TMEM132D: variants seen among roughly 807,000 people sequenced by gnomAD.
The protein encoded by TMEM132D is transmembrane protein 132D.
Under a neutral mutation model 62.3 loss-of-function variants are expected in TMEM132D, and 21 were observed. That is an observed-to-expected ratio of 0.34 (90% CI 0.24 to 0.49). The LOEUF (loss-of-function observed/expected upper bound fraction) is 0.49. Ranked by LOEUF, TMEM132D falls within the 20% of genes least tolerant of loss-of-function variation. TMEM132D has a pLI of 0.99. For synonymous variants in TMEM132D, 621 were observed against 575.6 expected (o/e 1.08, Z -1.13); for missense variants, 1,346 against 1,402.8 (o/e 0.96, Z 0.65).
intron 3 of TMEM132D, among the ~76,000 whole-genome samples, chr12:129,406,185 T>C (rs1389954476): frequency 6.6e-6 from 1 of 152,232 alleles, no homozygotes; most frequent in Non-Finnish European, 1.5e-5. Flanking sequence ...AGCACGTTTG[T>C]ATACATTCAC....
chr12:129,559,433 G>A (rs1357303398), intron 2 of TMEM132D, among the ~76,000 whole-genome samples: 1 of 152,218 alleles, frequency 6.6e-6, no homozygotes. Flanking sequence ...AAGGAGACGA[G>A]AGGTCTCGTA....
intron 3 of TMEM132D, among the ~76,000 whole-genome samples, chr12:129,389,475 C>A (rs1871237111): frequency 6.6e-6 from 1 of 151,988 alleles, no homozygotes; most frequent in Admixed American, 6.6e-5. Context: ...ACTGCCAACA[C>A]CAACACTAAC....
intron 2 of TMEM132D, among the ~76,000 whole-genome samples, chr12:129,606,112 G>A (rs1878618873): frequency 6.6e-6 from 1 of 152,094 alleles, no homozygotes; most frequent in Non-Finnish European, 1.5e-5. Context: ...TCCTTCACTG[G>A]GATGGTGCTC....
At chr12:129,238,836 G>A (rs4759535) in intron 4 of TMEM132D, among the ~76,000 whole-genome samples, 117,815 of 152,074 alleles carry the variant, frequency 0.77, 45,700 homozygotes, top group Admixed American at 0.8. Context: ...TCTTTGGGAT[G>A]TATACACAGA....
At chr12:129,294,176 T>A (rs989321998) in intron 4 of TMEM132D, among the ~76,000 whole-genome samples, 1 of 152,230 alleles carries the variant, frequency 6.6e-6, no homozygotes, top group African/African-American at 2.4e-5. Context: ...AGTTCCATGT[T>A]TTTACCATGA....
At chr12:129,580,534 A>C (rs928246356) in intron 2 of TMEM132D, among the ~76,000 whole-genome samples, 1 of 152,060 alleles carries the variant, frequency 6.6e-6, no homozygotes, top group African/African-American at 2.4e-5. Flanking sequence ...ACAAATACTG[A>C]GATCCCTTTA....
intron 4 of TMEM132D, 96 bp from the exon 5 acceptor site, chr12:129,209,759 C>T: frequency 1.3e-6 from 2 of 1,513,952 alleles, no homozygotes; most frequent in Non-Finnish European, 1.8e-6. Flanking sequence ...TCCCTGCAAA[C>T]AGCACTGGCC....
intron 1 of TMEM132D, among the ~76,000 whole-genome samples, chr12:129,880,404 G>T (rs923404189): frequency 1.3e-5 from 2 of 152,146 alleles, no homozygotes; most frequent in African/African-American, 4.8e-5. Context: ...AGGCAGAAAT[G>T]AATATCTGCA....
intron 3 of TMEM132D, among the ~76,000 whole-genome samples, chr12:129,381,282 A>G (rs1047497076): frequency 2.0e-5 from 3 of 152,204 alleles, no homozygotes; most frequent in African/African-American, 4.8e-5. Flanking sequence ...TCTTATAGCT[A>G]TACAAATAAG....
At chr12:129,101,383 TG>T (rs1259029230) in intron 5 of TMEM132D, among the ~76,000 whole-genome samples, 1 of 152,240 alleles carries the variant, frequency 6.6e-6, no homozygotes, top group Admixed American at 6.5e-5. Context: ...CCATGGCTTT[TG>T]GTAGCTGGTA....
intron 2 of TMEM132D, among the ~76,000 whole-genome samples, chr12:129,698,393 G>A (rs996253248): frequency 6.6e-6 from 1 of 150,728 alleles, no homozygotes; most frequent in Non-Finnish European, 1.5e-5. Flanking sequence ...ATTAGGTTCT[G>A]TTTCTTTAGT....
intron 3 of TMEM132D, among the ~76,000 whole-genome samples, chr12:129,366,184 G>C (rs1870407382): frequency 6.6e-6 from 1 of 151,986 alleles, no homozygotes; most frequent in Non-Finnish European, 1.5e-5. Flanking sequence ...CACAGTCTTA[G>C]GGAAAAGCCC....
rs772059964 is a variant in TMEM132D at position 129,531,067 on chromosome 12, T to C, written c.1107A>G (p.Ser369=). ...GGCCAGTTGGGACTCACCTGTTTTC[T>C]GAGCCAGCTGCTTTCTTCTGACAAA... ...VIVCQKKAAG[S]ENSADGASYE... Residue 369 remains serine, a synonymous_variant, in exon 3 of 9, where the codon TCA becomes TCG. Transcript: ENST00000422113. The C allele has an allele frequency of 2.5e-6, 4 of 1,612,674 alleles. No individual in the cohort carries two copies. The highest frequency in any genetic ancestry group is 1.7e-6 in the Non-Finnish European group (2 of 1,179,050).
chr12:129,281,349 T>C (rs887455027), intron 4 of TMEM132D, among the ~76,000 whole-genome samples: 3 of 152,110 alleles, frequency 2.0e-5, no homozygotes, highest in African/African-American at 7.2e-5. Flanking sequence ...CACACAACTG[T>C]GGCACTTCTA....
At position 129,605,684 on chromosome 12, in the gene TMEM132D, TAGAA is replaced by T. The variant is rs1408485275; in HGVS notation, c.969-74483_969-74480del. 2.7e-5 allele frequency among the ~76,000 whole-genome samples: 4 copies of T among 150,010 alleles called. No homozygotes were observed. In the East Asian group the frequency reaches 7.8e-4, roughly 29 times the overall value. The stretch of plus-strand genomic sequence containing the variant: ...ACATATATATATATATATTTGTAGA[TAGAA>T]AGTGTGCTGATGAGCAAATATTCAT... On this transcript the variant is annotated intron_variant, in intron 2 of 8. Coordinates refer to ENST00000422113, the MANE Select transcript of TMEM132D (RefSeq NM_133448.3).
intron 3 of TMEM132D, among the ~76,000 whole-genome samples, chr12:129,485,635 T>A (rs1050922455): frequency 6.6e-6 from 1 of 152,158 alleles, no homozygotes; most frequent in Non-Finnish European, 1.5e-5. Context: ...TGGCAGCTGT[T>A]TGCAGAGGGC....
intron 4 of TMEM132D, among the ~76,000 whole-genome samples, chr12:129,323,774 A>G (rs1419310282): frequency 6.6e-6 from 1 of 152,216 alleles, no homozygotes; most frequent in Non-Finnish European, 1.5e-5. Flanking sequence ...TAGCCATGTC[A>G]TCTTGAAGGC....
chr12:129,517,443 A>G (rs10773671), intron 3 of TMEM132D, among the ~76,000 whole-genome samples: 146,445 of 152,196 alleles, frequency 0.96, 70,665 homozygotes, highest in East Asian at 1. Flanking sequence ...GGGGTGAGTC[A>G]GAGGGTCTGA....
At chr12:129,890,859 T>C (rs745427292) in intron 1 of TMEM132D, among the ~76,000 whole-genome samples, 4 of 152,174 alleles carry the variant, frequency 2.6e-5, no homozygotes, top group Non-Finnish European at 4.4e-5. Context: ...TGGTTCCTTA[T>C]ACCTCTGATG....
Sources: allele counts gnomAD v4.1 joint callset (sites outside exome capture counted in the v4.1 genomes callset), GRCh38; gene constraint gnomAD v4.1.1; transcripts MANE v1.5; gene names NCBI Gene and HGNC (gene_info 2026-07-23, HGNC 2026-07-21).